The following KLHL7 variants were observed in gnomAD, a reference collection of about 807,000 sequenced individuals.
KLHL7 encodes kelch-like protein 7.
In KLHL7, 44 loss-of-function variants were observed where a neutral mutation model predicts 67.4. The ratio of observed to expected loss-of-function variants is 0.65; its 90% CI spans 0.51 to 0.84. The LOEUF (loss-of-function observed/expected upper bound fraction) is 0.84. Ranked by LOEUF, KLHL7 falls within the 40% of genes least tolerant of loss-of-function variation. KLHL7 has a pLI of 0.00. For synonymous variants in KLHL7, 252 were observed against 243.3 expected (o/e 1.04, Z -0.33); for missense variants, 362 against 718.1 (o/e 0.50, Z 5.67).
Position 23,106,143 on chromosome 7 carries a change from A to G in KLHL7, c.117A>G (p.Lys39=). Residue 39 remains lysine (K), a synonymous_variant, in exon 1 of 11, where the codon AAA becomes AAG. Transcript: ENST00000339077. The part of the protein sequence containing the change: ...GFMGVMNNMR[K]QKTLCDVILM... The stretch of plus-strand genomic sequence containing the variant: ...TGGGCGTCATGAATAACATGCGGAA[A>G]CAGGTACCGCCTCTGTGGGAGTGAC... 1 of 1,610,146 alleles carries G rather than the reference A, an allele frequency of 6.2e-7. No homozygotes were observed. Among genetic ancestry groups the G allele is most frequent in the Non-Finnish European group, 8.5e-7 (1 of 1,178,426 alleles).
chr7:23,142,470 A>G (rs1784219998), intron 5 of KLHL7, among the ~76,000 whole-genome samples: 2 of 152,124 alleles, frequency 1.3e-5, no homozygotes, highest in Admixed American at 1.3e-4. Flanking sequence ...AATAGAAAAA[A>G]TTTACTTCCA....
At position 23,174,397 on chromosome 7, in the gene KLHL7, T is replaced by A; in HGVS notation, c.*99T>A. The stretch of plus-strand genomic sequence containing the variant: ...ACAAAGTTTTGGTTTGGTGTTTTGG[T>A]AAAGAAAGTTTCAAGTGAAATGAGG... On this transcript the variant is annotated 3_prime_UTR_variant, in exon 11 of 11. Transcript: ENST00000339077. The A allele has an allele frequency of 7.9e-7, 1 of 1,268,762 alleles. No individual in the cohort carries two copies. The highest frequency in any genetic ancestry group is 1.1e-6 in the Non-Finnish European group (1 of 876,130). The allele number at this position is 1,268,762 out of a possible 1,614,324, so 78.6% of individuals were successfully genotyped here.
intron 7 of KLHL7, among the ~76,000 whole-genome samples, chr7:23,153,440 G>A (rs963384312): frequency 1.1e-4 from 17 of 152,154 alleles, no homozygotes; most frequent in East Asian, 1.9e-4. Flanking sequence ...TGGAACCTCC[G>A]TAAGCCCAGT....
chr7:23,106,645 C>A (rs1782653287), intron 1 of KLHL7: 1 of 1,025,820 alleles, frequency 9.7e-7, no homozygotes, highest in Non-Finnish European at 1.2e-6. Context: ...AGGAGTCCTC[C>A]TGTTCGTGCT....
At chr7:23,121,453 G>A (rs562124298) in intron 1 of KLHL7, among the ~76,000 whole-genome samples, 10 of 137,740 alleles carry the variant, frequency 7.3e-5, no homozygotes, top group African/African-American at 2.5e-4. Flanking sequence ...ACACCACCAC[G>A]CCTGGCTAAT....
At chr7:23,160,380 G>T (rs756451873) in intron 7 of KLHL7, among the ~76,000 whole-genome samples, 2 of 152,134 alleles carry the variant, frequency 1.3e-5, no homozygotes, top group Non-Finnish European at 2.9e-5. Flanking sequence ...TTTAATGATT[G>T]AGTTTCTGAG....
intron 1 of KLHL7, among the ~76,000 whole-genome samples, chr7:23,111,993 A>T (rs1782892603): frequency 6.6e-6 from 1 of 152,206 alleles, no homozygotes; most frequent in African/African-American, 2.4e-5. Context: ...ATCAATGAAG[A>T]AAAAGTGATA....
chr7:23,169,131 CGT>C (rs1785084434), intron 9 of KLHL7, among the ~76,000 whole-genome samples: 1 of 151,950 alleles, frequency 6.6e-6, no homozygotes, highest in Non-Finnish European at 1.5e-5. Flanking sequence ...TGTTGTGGCG[CGT>C]GCCTGTAATC....
At chr7:23,120,240 G>A (rs914610753) in intron 1 of KLHL7, among the ~76,000 whole-genome samples, 3 of 152,098 alleles carry the variant, frequency 2.0e-5, no homozygotes, top group African/African-American at 7.2e-5. Flanking sequence ...GAACTCCTGA[G>A]ATCAAGCCAT....
chr7:23,148,473 T>C (rs149459634), intron 6 of KLHL7, among the ~76,000 whole-genome samples: 3 of 149,064 alleles, frequency 2.0e-5, no homozygotes, highest in East Asian at 3.9e-4. Flanking sequence ...TATAAGAGAG[T>C]GTTTAGAAGA....
In KLHL7 at chr7:23,168,046, C is replaced by A. The variant is rs755710260; in HGVS notation, c.1379+9C>A. 1.9e-6 allele frequency: 3 copies of A among 1,610,362 alleles called. No homozygotes were observed. The Admixed American group carries it at 5.0e-5, about 27-fold the overall frequency. Reference sequence around the variant, plus strand: ...GATCCTGCCACAGAAACGTATGTATCTATTTAAAATTTATTTTACAGTTAA... The same window carrying A: ...GATCCTGCCACAGAAACGTATGTATATATTTAAAATTTATTTTACAGTTAA... On this transcript the variant is annotated intron_variant, in intron 9 of 10. Coordinates refer to ENST00000339077, the MANE Select transcript of KLHL7 (RefSeq NM_001031710.3).
Position 23,143,970 on chromosome 7 carries a change from G to C in KLHL7, c.738G>C (p.Thr246=), listed in dbSNP as rs148401327. 1.2e-6 allele frequency: 2 copies of C among 1,613,828 alleles called. No homozygotes were observed. The highest frequency in any genetic ancestry group is 1.1e-5 in the South Asian group (1 of 91,086). The change falls in exon 6 of 11, where the codon ACG becomes ACC. Residue 246 remains threonine (T), a synonymous_variant. Coordinates refer to ENST00000339077, the MANE Select transcript of KLHL7 (RefSeq NM_001031710.3). ...TATCAAAGAATTTCTTAAGTAAAAC[G>C]GTACAAGCTGAACCACTTATTCAAG... is the stretch of plus-strand genomic sequence containing the variant. ...PLISKNFLSK[T]VQAEPLIQDN... is the part of the protein sequence containing the mutation.
At chr7:23,153,624 T>C (rs1257464314) in intron 7 of KLHL7, among the ~76,000 whole-genome samples, 2 of 152,202 alleles carry the variant, frequency 1.3e-5, no homozygotes, top group Admixed American at 6.5e-5. Context: ...ACTGAAAGAA[T>C]GATACCTGCA....
At chr7:23,126,492 AG>A (rs1554286642) in intron 4 of KLHL7, among the ~76,000 whole-genome samples, 3 of 152,212 alleles carry the variant, frequency 2.0e-5, no homozygotes, top group Non-Finnish European at 1.5e-5. Context: ...AAGTATAAAG[AG>A]GGGTCAAAGA....
Position 23,143,833 on chromosome 7 carries a change from G to A in KLHL7, c.619-18G>A. On this transcript the variant is annotated intron_variant, in intron 5 of 10. Coordinates refer to ENST00000339077, the MANE Select transcript of KLHL7 (RefSeq NM_001031710.3). ...TGCTGTCTTCTAAGAACTTTACTGT[G>A]CTGTTTTTCCCCCTTAGGTTTATGA... 2 of 1,613,168 alleles carry A rather than the reference G, an allele frequency of 1.2e-6. No individual in the cohort carries two copies. Among genetic ancestry groups the A allele is most frequent in the South Asian group, 1.1e-5 (1 of 91,058 alleles).
At chr7:23,117,719 TA>T (rs371590408) in intron 1 of KLHL7, 4 of 982,708 alleles carry the variant, frequency 4.1e-6, no homozygotes, top group Non-Finnish European at 5.8e-6. Context: ...GAAGTCTTTT[TA>T]ATGTTTCTTA....
chr7:23,131,156 C>T (rs984837434), intron 4 of KLHL7, among the ~76,000 whole-genome samples: 5 of 152,162 alleles, frequency 3.3e-5, no homozygotes, highest in African/African-American at 9.7e-5. Flanking sequence ...TGTACTGTGA[C>T]GTGGTAGGAG....
chr7:23,120,157 G>GT (rs1180032644), intron 1 of KLHL7, among the ~76,000 whole-genome samples: 1 of 152,028 alleles, frequency 6.6e-6, no homozygotes, highest in Non-Finnish European at 1.5e-5. Flanking sequence ...CCACAAATGC[G>GT]TGCCACCACA....
intron 8 of KLHL7, among the ~76,000 whole-genome samples, chr7:23,167,160 T>C (rs1177515948): frequency 6.6e-6 from 1 of 152,064 alleles, no homozygotes; most frequent in African/African-American, 2.4e-5. Context: ...ACTTAAACTT[T>C]AATAGTATCA....
Sources: gnomAD v4.1 joint callset for allele counts (sites outside exome capture counted in the v4.1 genomes callset) on GRCh38, gnomAD v4.1.1 for gene constraint, MANE v1.5 for transcripts, NCBI Gene and HGNC (gene_info 2026-07-23, HGNC 2026-07-21) for gene names.